Variants in ANTXR2 observed in about 807,000 individuals in gnomAD.
ANTXR2 encodes the protein ANTXR cell adhesion molecule 2.
Under a neutral mutation model 73.7 loss-of-function variants are expected in ANTXR2, and 44 were observed. That is an observed-to-expected ratio of 0.60 (90% CI 0.47 to 0.77). ANTXR2 has a LOEUF of 0.77. Among genes scored for constraint, ANTXR2 ranks in the 30% least tolerant of loss-of-function variants. ANTXR2 has a pLI of 0.00. For synonymous variants in ANTXR2, 217 were observed against 205.9 expected (o/e 1.05, Z -0.46); for missense variants, 604 against 592.5 (o/e 1.02, Z -0.20).
intron 8 of ANTXR2, among the ~76,000 whole-genome samples, chr4:80,035,314 C>A (rs1732902135): frequency 6.6e-6 from 1 of 152,092 alleles, no homozygotes; most frequent in African/African-American, 2.4e-5. Flanking sequence ...AGACCATGCA[C>A]AACTGGCTGA....
rs200054790 is a variant in ANTXR2, at chr4:79,983,958, G to T, written c.1099C>A (p.Pro367Thr). 2.6e-4 allele frequency: 419 copies of T among 1,595,860 alleles called. No individual in the cohort carries two copies. The highest frequency in any genetic ancestry group is 3.5e-4 in the Non-Finnish European group (405 of 1,173,096). The change falls in exon 14 of 17, where the codon CCT becomes ACT. Residue 367 changes from proline to threonine, a missense_variant. Pro to Thr is a conservative substitution (Grantham distance 38, BLOSUM62 -1). Transcript: ENST00000403729. ...GTTGGCCACTTTTTAGTAGGCAAAG[G>T]TTCTTCTTCCTCCTGTGGAAATATG... Reference protein sequence around the residue: ...APAPKEEEEEPLPTKKWPTVD... With the variant: ...APAPKEEEEETLPTKKWPTVD...
chr4:80,021,790 A>T (rs181796727), intron 10 of ANTXR2, among the ~76,000 whole-genome samples: 82 of 152,318 alleles, frequency 5.4e-4, no homozygotes, highest in African/African-American at 1.9e-3. Flanking sequence ...AACTGAGTTA[A>T]TTCTCCGCAG....
At chr4:80,051,704 G>A (rs757129105) in intron 7 of ANTXR2, among the ~76,000 whole-genome samples, 18 of 151,550 alleles carry the variant, frequency 1.2e-4, no homozygotes, top group Non-Finnish European at 1.5e-4. Flanking sequence ...AAATTTTAAC[G>A]TGCAGGATGT....
Position 80,056,016 on chromosome 4 carries a change from G to A in ANTXR2, c.297-3C>T, listed in dbSNP as rs554007324. On this transcript the variant is annotated splice_region_variant and splice_polypyrimidine_tract_variant and intron_variant, in intron 3 of 16. Transcript: ENST00000403729. ...CCAAGCCTTTACTGATTTTGCCTCT[G>A]AAAATAATATTAAACAAAAGAAAAA... The A allele has an allele frequency of 7.6e-5, 117 of 1,537,776 alleles. 4 individuals are homozygous for A. The South Asian group carries it at 1.5e-3, about 19-fold the overall frequency.
intron 11 of ANTXR2, among the ~76,000 whole-genome samples, chr4:80,011,286 T>TCTAC (rs1452688450): frequency 2.1e-4 from 31 of 150,770 alleles, no homozygotes; most frequent in Admixed American, 7.9e-4. Flanking sequence ...TATCTATCTA[T>TCTAC]CTATCTATCT....
chr4:79,983,316 A>G (rs1258192683), intron 14 of ANTXR2, among the ~76,000 whole-genome samples: 1 of 152,156 alleles, frequency 6.6e-6, no homozygotes, highest in African/African-American at 2.4e-5. Flanking sequence ...CTTTTAAGAT[A>G]TAATATTAAA....
At chr4:80,051,888 T>C (rs1248815040) in intron 7 of ANTXR2, among the ~76,000 whole-genome samples, 1 of 151,664 alleles carries the variant, frequency 6.6e-6, no homozygotes, top group African/African-American at 2.4e-5. Context: ...ATATATGATA[T>C]CTTACATTAA....
intron 16 of ANTXR2, among the ~76,000 whole-genome samples, chr4:79,957,911 T>C (rs1461544185): frequency 1.3e-5 from 2 of 152,068 alleles, no homozygotes; most frequent in East Asian, 3.8e-4. Flanking sequence ...ATTTCAAGTT[T>C]CAATCCGTTT....
intron 11 of ANTXR2, among the ~76,000 whole-genome samples, chr4:80,015,088 C>T (rs1731776176): frequency 6.6e-6 from 1 of 152,128 alleles, no homozygotes; most frequent in Non-Finnish European, 1.5e-5. Flanking sequence ...TTTTTCTTCC[C>T]CTTCCTACAA....
At chr4:79,967,086 G>C (rs1729401701) in intron 16 of ANTXR2, among the ~76,000 whole-genome samples, 1 of 71,696 alleles carries the variant, frequency 1.4e-5, no homozygotes, top group African/African-American at 3.6e-5. Flanking sequence ...CCGAAGCAGG[G>C]CGAGGAATTG....
chr4:80,011,510 A>G (rs922264781), intron 11 of ANTXR2, among the ~76,000 whole-genome samples: 1 of 152,190 alleles, frequency 6.6e-6, no homozygotes, highest in Non-Finnish European at 1.5e-5. Context: ...AAGAAAAATG[A>G]CATTTGAGTA....
intron 16 of ANTXR2, among the ~76,000 whole-genome samples, chr4:79,930,286 T>C (rs1039828494): frequency 6.6e-6 from 1 of 152,126 alleles, no homozygotes; most frequent in African/African-American, 2.4e-5. Context: ...TTAGGAGAAC[T>C]TATATAAGAG....
At chr4:80,013,610 C>T (rs1578155042) in intron 11 of ANTXR2, among the ~76,000 whole-genome samples, 1 of 152,370 alleles carries the variant, frequency 6.6e-6, no homozygotes, top group Middle Eastern at 3.4e-3. Flanking sequence ...TGCATTTCAC[C>T]TGTTCACCAT....
intron 11 of ANTXR2, among the ~76,000 whole-genome samples, chr4:80,011,315 C>G (rs1474600600): frequency 6.9e-6 from 1 of 145,772 alleles, no homozygotes; most frequent in Non-Finnish European, 1.5e-5. Context: ...ATCTATCTAT[C>G]TGTCTATCAT....
At chr4:79,925,106 G>A (rs1727732568) in intron 16 of ANTXR2, among the ~76,000 whole-genome samples, 1 of 152,076 alleles carries the variant, frequency 6.6e-6, no homozygotes, top group African/African-American at 2.4e-5. Flanking sequence ...TGAACTTAGA[G>A]AAGGCTGAAT....
chr4:80,015,211 T>C (rs1299645278), intron 11 of ANTXR2, among the ~76,000 whole-genome samples: 2 of 152,166 alleles, frequency 1.3e-5, no homozygotes, highest in Admixed American at 6.5e-5. Flanking sequence ...ACACAACATG[T>C]CTACAATGAA....
chr4:79,951,327 C>T (rs547832461), intron 16 of ANTXR2, among the ~76,000 whole-genome samples: 1 of 152,200 alleles, frequency 6.6e-6, no homozygotes, highest in African/African-American at 2.4e-5. Flanking sequence ...TGCCTATAAT[C>T]CCAGCACTTT....
intron 7 of ANTXR2, among the ~76,000 whole-genome samples, chr4:80,053,374 A>T (rs1019478611): frequency 8.6e-5 from 13 of 151,820 alleles, no homozygotes; most frequent in African/African-American, 3.1e-4. Context: ...TTCTCTGAAA[A>T]GCTCCATTAA....
chr4:80,040,219 T>C lies in ANTXR2; in HGVS notation c.637-4187A>G, dbSNP rs1045148972. 2.7e-5 allele frequency among the ~76,000 whole-genome samples: 4 copies of C among 148,656 alleles called. No individual in the cohort carries two copies. The South Asian group carries it at 6.3e-4, about 23-fold the overall frequency. On this transcript the variant is annotated intron_variant, in intron 7 of 16. Coordinates refer to ENST00000403729, the MANE Select transcript of ANTXR2 (RefSeq NM_058172.6). Reference sequence around the variant, plus strand: ...AACTGGACCCAAAACCTCAGTATCATGCAATACACCTAGGTGACAAACCTG... The same window carrying C: ...AACTGGACCCAAAACCTCAGTATCACGCAATACACCTAGGTGACAAACCTG...
Sources: gnomAD v4.1 joint callset for allele counts (sites outside exome capture counted in the v4.1 genomes callset) on GRCh38, gnomAD v4.1.1 for gene constraint, MANE v1.5 for transcripts, NCBI Gene and HGNC (gene_info 2026-07-23, HGNC 2026-07-21) for gene names.